The following RXFP1 variants were observed in gnomAD, a reference collection of about 807,000 sequenced individuals.
RXFP1 encodes the protein relaxin family peptide receptor 1, also known as relaxin receptor 1.
Under a neutral mutation model 89.8 loss-of-function variants are expected in RXFP1, and 73 were observed. That is an observed-to-expected ratio of 0.81 (90% CI 0.67 to 0.99). The LOEUF (loss-of-function observed/expected upper bound fraction) is 0.99, where lower values mean the gene tolerates loss of function less well. Among genes scored for constraint, RXFP1 ranks in the 50% least tolerant of loss-of-function variants. The pLI, the probability that RXFP1 is intolerant of heterozygous loss-of-function variation, is 0.00. For missense variants in RXFP1, 793 were observed against 895.5 expected, an observed-to-expected ratio of 0.89 and a Z score of 1.46; for synonymous variants, 277 against 305.5, an observed-to-expected ratio of 0.91 and a Z score of 0.97.
In RXFP1 at chr4:158,639,330, A is replaced by G. The variant is rs1580273399; in HGVS notation, c.1114A>G (p.Ile372Val). ...TAGACCTCTTATGAATCTCTCTCAC[A>G]TGTAAGTAGATATTTTATTGTTTTT... ...MFRPLMNLSH[I>V]YFKKFQYCGY... Residue 372 changes from isoleucine (I) to valine (V), a missense_variant and splice_region_variant, in exon 14 of 18, where the codon ATA (isoleucine) becomes GTA (valine). Ile to Val is a conservative substitution (Grantham distance 29, BLOSUM62 3). Transcript: ENST00000307765. 3 of 1,462,444 alleles carry G rather than the reference A, an allele frequency of 2.1e-6. No individual in the cohort carries two copies. Among genetic ancestry groups the G allele is most frequent in the East Asian group, 4.5e-5 (2 of 44,096 alleles). 90.6% of individuals were successfully genotyped at this position (1,462,444 alleles called of 1,614,324 possible).
At chr4:158,530,455 C>G (rs575293491) in intron 1 of RXFP1, among the ~76,000 whole-genome samples, 2 of 152,268 alleles carry the variant, frequency 1.3e-5, no homozygotes, top group East Asian at 1.9e-4. Context: ...TTTCCCAGAG[C>G]AGGCTAGAAA....
rs1759939418 is a variant in RXFP1 at position 158,593,491 on chromosome 4, C to A, written c.278C>A (p.Pro93His). The change falls in exon 3 of 18, where the codon CCT (proline) becomes CAT (histidine). Residue 93 changes from proline (P) to histidine (H), a missense_variant. Physicochemically the swap from Pro to His is moderately conservative, Grantham distance 77 (BLOSUM62 -2). Coordinates refer to ENST00000307765, the MANE Select transcript of RXFP1 (RefSeq NM_021634.4). Reference protein sequence around the residue: ...TSQYPFEAETPECLVGSVPVQ... With the variant: ...TSQYPFEAETHECLVGSVPVQ... ...CAATATCCTTTTGAGGCAGAAACAC[C>A]TGAATGTTGTAAGTAATCAGAGCAG... 4 of 1,587,676 alleles carry A rather than the reference C, an allele frequency of 2.5e-6. No individual in the cohort carries two copies. In the Admixed American group the frequency reaches 5.1e-5, roughly 20 times the overall value.
At chr4:158,611,810 C>T (rs1236149100) in intron 6 of RXFP1, among the ~76,000 whole-genome samples, 1 of 152,212 alleles carries the variant, frequency 6.6e-6, no homozygotes, top group African/African-American at 2.4e-5. Context: ...AATCTGTTCA[C>T]ATGCTGTGGC....
intron 3 of RXFP1, among the ~76,000 whole-genome samples, chr4:158,596,638 AC>A (rs1229809892): frequency 7.2e-5 from 11 of 152,224 alleles, no homozygotes; most frequent in African/African-American, 2.7e-4. Flanking sequence ...CAATTAAAAT[AC>A]AGCTACTAAA....
chr4:158,546,840 A>G (rs1748567758), intron 1 of RXFP1, among the ~76,000 whole-genome samples: 1 of 152,150 alleles, frequency 6.6e-6, no homozygotes, highest in South Asian at 2.1e-4. Flanking sequence ...GTACTGCTGG[A>G]TTCGGTTTGC....
At chr4:158,536,463 A>G (rs1745302323) in intron 1 of RXFP1, among the ~76,000 whole-genome samples, 1 of 152,222 alleles carries the variant, frequency 6.6e-6, no homozygotes, top group Non-Finnish European at 1.5e-5. Flanking sequence ...CAATATCCTT[A>G]GCAGACTTTT....
intron 2 of RXFP1, among the ~76,000 whole-genome samples, chr4:158,585,262 C>T (rs1190441560): frequency 6.6e-6 from 1 of 152,176 alleles, no homozygotes; most frequent in Admixed American, 6.5e-5. Flanking sequence ...TTATTAATTC[C>T]AAGTGGGGAT....
At chr4:158,586,432 A>G (rs1385938724) in intron 2 of RXFP1, among the ~76,000 whole-genome samples, 1 of 152,204 alleles carries the variant, frequency 6.6e-6, no homozygotes, top group East Asian at 1.9e-4. Context: ...TGGAAACCAT[A>G]TCCCCTAACC....
Position 158,522,045 on chromosome 4 carries a change from A to G in RXFP1, c.49+20A>G, listed in dbSNP as rs763002631. ...AATATTGTAAGTATGCTCAGTATCT[A>G]ATTTTGTATACCTTAGTATTTTGTG... On this transcript the variant is annotated intron_variant, in intron 1 of 17. Transcript: ENST00000307765. 9 of 1,408,630 alleles carry G rather than the reference A, an allele frequency of 6.4e-6. No individual in the cohort carries two copies. Among genetic ancestry groups the G allele is most frequent in the Non-Finnish European group, 8.0e-6 (8 of 996,238 alleles). 87.3% of individuals were successfully genotyped at this position (1,408,630 alleles called of 1,614,324 possible). A position where few individuals can be genotyped will look rare whatever the true frequency, so the allele number is the denominator to read the frequency against.
In RXFP1 at chr4:158,637,906, T is replaced by A. The variant is rs937590753; in HGVS notation, c.972-102T>A. The stretch of plus-strand genomic sequence containing the variant: ...CATCCATTACGAGTTATTGTATACT[T>A]TCGTTCATAAATATGTTAAAGTAAC... On this transcript the variant is annotated intron_variant, in intron 12 of 17. Coordinates refer to ENST00000307765, the MANE Select transcript of RXFP1 (RefSeq NM_021634.4). 3 of 711,468 alleles carry A rather than the reference T, an allele frequency of 4.2e-6. No homozygotes were observed. In the Admixed American group the frequency reaches 7.4e-5, roughly 17 times the overall value. 44.1% of individuals were successfully genotyped at this position (711,468 alleles called of 1,614,324 possible).
intron 1 of RXFP1, among the ~76,000 whole-genome samples, chr4:158,541,904 G>A (rs1746737103): frequency 1.3e-5 from 2 of 150,988 alleles, no homozygotes; most frequent in Admixed American, 1.3e-4. Flanking sequence ...TGGCCGGGAG[G>A]AATGATGCTT....
At chr4:158,571,853 A>C (rs1755135149) in intron 1 of RXFP1, among the ~76,000 whole-genome samples, 1 of 152,198 alleles carries the variant, frequency 6.6e-6, no homozygotes, top group Non-Finnish European at 1.5e-5. Flanking sequence ...AGCCAGATAC[A>C]TTCAATGTGG....
chr4:158,590,284 C>T (rs1292710438), intron 2 of RXFP1, among the ~76,000 whole-genome samples: 2 of 152,130 alleles, frequency 1.3e-5, no homozygotes, highest in Non-Finnish European at 2.9e-5. Flanking sequence ...CACGCCTCAG[C>T]CTCCCGAGTA....
At chr4:158,633,589 A>AAT in intron 12 of RXFP1, 113 bp downstream of exon 12, 1 of 592,850 alleles carries the variant, frequency 1.7e-6, no homozygotes, top group Non-Finnish European at 2.9e-6. Flanking sequence ...GAGTAGCATT[A>AAT]GCTACATTCA....
intron 1 of RXFP1, among the ~76,000 whole-genome samples, chr4:158,556,984 A>T (rs1751448708): frequency 6.6e-6 from 1 of 152,184 alleles, no homozygotes; most frequent in Non-Finnish European, 1.5e-5. Flanking sequence ...AATTACATAG[A>T]AGGAATAAAT....
chr4:158,552,095 T>C (rs1750278710), intron 1 of RXFP1, among the ~76,000 whole-genome samples: 1 of 152,188 alleles, frequency 6.6e-6, no homozygotes, highest in African/African-American at 2.4e-5. Context: ...TGAATACAGA[T>C]TAGAATCACA....
At chr4:158,549,676 C>T (rs557032352) in intron 1 of RXFP1, among the ~76,000 whole-genome samples, 8 of 152,322 alleles carry the variant, frequency 5.3e-5, no homozygotes, top group African/African-American at 1.9e-4. Flanking sequence ...ACAGACAGGA[C>T]CCTCAGCTGC....
At chr4:158,553,554 G>T (rs1398047182) in intron 1 of RXFP1, among the ~76,000 whole-genome samples, 2 of 152,162 alleles carry the variant, frequency 1.3e-5, no homozygotes, top group African/African-American at 2.4e-5. Context: ...CCCGTGGAGA[G>T]ATGCACTGTG....
At chr4:158,630,941 C>A (rs1008475481) in intron 11 of RXFP1, among the ~76,000 whole-genome samples, 1 of 152,206 alleles carries the variant, frequency 6.6e-6, no homozygotes, top group Non-Finnish European at 1.5e-5. Flanking sequence ...GACAGAAAAT[C>A]TTTGCCACGT....
Sources: gnomAD v4.1 joint callset for allele counts (sites outside exome capture counted in the v4.1 genomes callset) on GRCh38, gnomAD v4.1.1 for gene constraint, MANE v1.5 for transcripts, NCBI Gene and HGNC (gene_info 2026-07-23, HGNC 2026-07-21) for gene names.